Variants in C12orf42 observed in about 807,000 individuals in gnomAD.
C12orf42 encodes the protein chromosome 12 open reading frame 42.
In C12orf42, 25 loss-of-function variants were observed where a neutral mutation model predicts 21.6. The observed-to-expected ratio is 1.16, with a 90% CI of 0.84 to 1.62. The LOEUF (loss-of-function observed/expected upper bound fraction) is 1.62. Ranked by LOEUF, C12orf42 falls within the 40% of genes most tolerant of loss-of-function variation. C12orf42 has a pLI of 0.00. For synonymous variants in C12orf42, 174 were observed against 175.0 expected (o/e 0.99, Z 0.05); for missense variants, 483 against 459.3 (o/e 1.05, Z -0.47).
chr12:103,261,469 ACT>A (rs2034895019), intron 10 of C12orf42, among the ~76,000 whole-genome samples: 1 of 127,694 alleles, frequency 7.8e-6, no homozygotes, highest in African/African-American at 3.2e-5. Context: ...TGACAATGAG[ACT>A]CTTTCAAAAA....
chr12:103,309,723 C>T (rs1050538778), intron 4 of C12orf42, among the ~76,000 whole-genome samples: 1 of 152,214 alleles, frequency 6.6e-6, no homozygotes, highest in Non-Finnish European at 1.5e-5. Flanking sequence ...TTCTTGATTT[C>T]TACCAGGTAG....
chr12:103,053,578 T>G, the C12orf42 span, among the ~76,000 whole-genome samples: 1 of 151,980 alleles, frequency 6.6e-6, no homozygotes, highest in African/African-American at 2.4e-5. Flanking sequence ...AGGATCTTTC[T>G]AAAAGCAAAT....
At chr12:103,225,921 G>C in the C12orf42 span, among the ~76,000 whole-genome samples, 25 of 152,212 alleles carry the variant, frequency 1.6e-4, no homozygotes, top group African/African-American at 5.8e-4. Context: ...GGGCTTCCTA[G>C]GCGATCGGGC....
chr12:103,493,313 T>C (rs993519986), intron 1 of C12orf42, among the ~76,000 whole-genome samples: 8 of 152,126 alleles, frequency 5.3e-5, no homozygotes, highest in African/African-American at 1.9e-4. Flanking sequence ...TCACAATGTT[T>C]CAGCCACATC....
chr12:103,218,846 C>A, the C12orf42 span, among the ~76,000 whole-genome samples: 1 of 152,160 alleles, frequency 6.6e-6, no homozygotes, highest in African/African-American at 2.4e-5. Flanking sequence ...ATAAAAAAAT[C>A]TTAGCAAGAA....
the C12orf42 span, among the ~76,000 whole-genome samples, chr12:103,088,074 T>C: frequency 7.9e-5 from 12 of 152,208 alleles, no homozygotes; most frequent in Admixed American, 7.9e-4. Context: ...AGATTTTGAT[T>C]CCCAGGGAGC....
At chr12:103,088,149 C>T in the C12orf42 span, among the ~76,000 whole-genome samples, 20,817 of 152,234 alleles carry the variant, frequency 0.14, 1,534 homozygotes, top group East Asian at 0.25. Flanking sequence ...TAAGAAGCCA[C>T]AATCCTAGAA....
intron 4 of C12orf42, among the ~76,000 whole-genome samples, chr12:103,336,711 G>T (rs1176489893): frequency 6.6e-6 from 1 of 152,184 alleles, no homozygotes; most frequent in Non-Finnish European, 1.5e-5. Flanking sequence ...GTTGATTAGG[G>T]ATTGACCGTC....
chr12:103,358,476 A>T (rs2043783388), intron 4 of C12orf42, among the ~76,000 whole-genome samples: 1 of 151,976 alleles, frequency 6.6e-6, no homozygotes, highest in Non-Finnish European at 1.5e-5. Flanking sequence ...AACCCCCCAG[A>T]CTTTGTGACT....
chr12:103,548,688 T>G, the C12orf42 span: 1 of 152,224 alleles, frequency 6.6e-6, no homozygotes, highest in South Asian at 2.1e-4. Context: ...TATTTTATAA[T>G]GAACATAACA....
chr12:103,365,000 T>C (rs1165842508), intron 4 of C12orf42, among the ~76,000 whole-genome samples: 1 of 151,888 alleles, frequency 6.6e-6, no homozygotes, highest in African/African-American at 2.4e-5. Flanking sequence ...AGCACCCTAA[T>C]ATGAAAACAA....
the C12orf42 span, among the ~76,000 whole-genome samples, chr12:103,185,380 C>T: frequency 2.4e-4 from 36 of 152,178 alleles, no homozygotes; most frequent in Middle Eastern, 3.2e-3. Flanking sequence ...GATCACTCAT[C>T]GTCCACTGTA....
the C12orf42 span, among the ~76,000 whole-genome samples, chr12:103,167,817 G>A: frequency 6.6e-6 from 1 of 151,762 alleles, no homozygotes; most frequent in African/African-American, 2.4e-5. Context: ...CGCTTTAAAT[G>A]GAGGTAAAAA....
At chr12:103,407,238 T>A (rs1368902529) in intron 2 of C12orf42, among the ~76,000 whole-genome samples, 1 of 152,126 alleles carries the variant, frequency 6.6e-6, no homozygotes, top group Non-Finnish European at 1.5e-5. Context: ...AAAAAGAGAC[T>A]GGCATTGCAT....
chr12:103,077,318 G>T, the C12orf42 span, among the ~76,000 whole-genome samples: 1 of 151,938 alleles, frequency 6.6e-6, no homozygotes, highest in Non-Finnish European at 1.5e-5. Flanking sequence ...TTAAAAATTG[G>T]AGATTATAAA....
chr12:103,189,612 A>T, the C12orf42 span, among the ~76,000 whole-genome samples: 1 of 152,160 alleles, frequency 6.6e-6, no homozygotes, highest in South Asian at 2.1e-4. Flanking sequence ...TGAGAGAGAC[A>T]TCTTCCTCCT....
chr12:103,304,774 T>C (rs1167978680), intron 5 of C12orf42, among the ~76,000 whole-genome samples: 1 of 152,204 alleles, frequency 6.6e-6, no homozygotes, highest in Non-Finnish European at 1.5e-5. Flanking sequence ...ATCACCAGGC[T>C]CAGCCTCCCA....
intron 3 of C12orf42, among the ~76,000 whole-genome samples, chr12:103,375,251 A>C (rs2045596371): frequency 6.6e-6 from 1 of 152,360 alleles, no homozygotes; most frequent in Middle Eastern, 3.4e-3. Context: ...AGAGTTATCC[A>C]AGACCGATTT....
chr12:103,085,366 C>T, the C12orf42 span, among the ~76,000 whole-genome samples: 237 of 152,156 alleles, frequency 1.6e-3, no homozygotes, highest in African/African-American at 5.4e-3. Context: ...TAGCTGTCCT[C>T]TCCCACTTCT....
Sources: gnomAD v4.1 joint callset for allele counts (sites outside exome capture counted in the v4.1 genomes callset) on GRCh38, gnomAD v4.1.1 for gene constraint, MANE v1.5 for transcripts, NCBI Gene and HGNC (gene_info 2026-07-23, HGNC 2026-07-21) for gene names.